Variants in ANXA4 observed in about 807,000 individuals in gnomAD.
The protein encoded by ANXA4 is 35-beta calcimedin.
A neutral mutation model predicts 49.8 loss-of-function variants in ANXA4; 39 were observed. The observed-to-expected ratio is 0.78, with a 90% CI of 0.61 to 1.02. ANXA4 has a LOEUF of 1.02. Ranked by LOEUF, ANXA4 falls within the 50% of genes least tolerant of loss-of-function variation. The probability of loss-of-function intolerance (pLI) is 0.00; values close to 1 mark genes in which losing one functional copy is unlikely to be tolerated. For missense variants in ANXA4, 360 were observed against 410.1 expected (o/e 0.88, Z 1.05); for synonymous variants, 134 against 152.5 (o/e 0.88, Z 0.89).
intron 3 of ANXA4, among the ~76,000 whole-genome samples, chr2:69,736,689 C>T (rs920764384): frequency 3.9e-5 from 6 of 152,152 alleles, no homozygotes; most frequent in Non-Finnish European, 7.4e-5. Context: ...GGGAGATAAA[C>T]ATTTTGAAAT....
chr2:69,657,549 C>G (rs1054572254), intron 2 of ANXA4, among the ~76,000 whole-genome samples: 1 of 152,144 alleles, frequency 6.6e-6, no homozygotes, highest in African/African-American at 2.4e-5. Context: ...GCTTTTTCTT[C>G]TAGAACATAT....
At chr2:69,730,652 G>A (rs896241006) in intron 3 of ANXA4, among the ~76,000 whole-genome samples, 4 of 152,158 alleles carry the variant, frequency 2.6e-5, no homozygotes, top group Non-Finnish European at 5.9e-5. Flanking sequence ...GCCCCTATGC[G>A]ACTTGGAGGT....
chr2:69,742,899 C>T (rs929875492), intron 1 of ANXA4, among the ~76,000 whole-genome samples: 9 of 152,244 alleles, frequency 5.9e-5, no homozygotes, highest in Non-Finnish European at 1.3e-4. Context: ...CTCTCTCCTG[C>T]TGACAGTGGG....
chr2:69,698,769 C>T (rs549855100), intron 2 of ANXA4, among the ~76,000 whole-genome samples: 20 of 152,272 alleles, frequency 1.3e-4, no homozygotes, highest in Admixed American at 7.2e-4. Context: ...GTCCTTTCTG[C>T]GCTACCAAGC....
At chr2:69,700,610 A>G (rs1678300152) in intron 2 of ANXA4, among the ~76,000 whole-genome samples, 1 of 152,204 alleles carries the variant, frequency 6.6e-6, no homozygotes, top group African/African-American at 2.4e-5. Flanking sequence ...TACAGTACAC[A>G]TTCTGTGGCA....
At chr2:69,714,184 C>A (rs777168235) in intron 2 of ANXA4, among the ~76,000 whole-genome samples, 8 of 152,164 alleles carry the variant, frequency 5.3e-5, no homozygotes, top group Non-Finnish European at 1.0e-4. Flanking sequence ...CTGACAAGCC[C>A]TAGCTCTTTC....
intron 3 of ANXA4, among the ~76,000 whole-genome samples, chr2:69,735,415 G>A (rs1043266229): frequency 6.6e-6 from 1 of 152,114 alleles, no homozygotes; most frequent in African/African-American, 2.4e-5. Context: ...CAACATAAAA[G>A]GAGCCTAAAA....
rs1399957031 is a variant in ANXA4, at chr2:69,661,021, C to G, written n.766+7739C>G. ...TTACTGACAAAGACATACAGACGGACTTAAGAACTCAAAGAGAGGAAATAT... is the reference window on the plus strand; with the variant it reads ...TTACTGACAAAGACATACAGACGGAGTTAAGAACTCAAAGAGAGGAAATAT... On this transcript the variant is annotated intron_variant and non_coding_transcript_variant, in intron 2 of 3. Coordinates refer to the ANXA4 transcript ENST00000418066. 2.6e-5 allele frequency among the ~76,000 whole-genome samples: 4 copies of G among 151,974 alleles called. No homozygotes were observed. The East Asian group carries it at 7.7e-4, about 29-fold the overall frequency.
intron 12 of ANXA4, among the ~76,000 whole-genome samples, chr2:69,823,624 A>G (rs1293044037): frequency 2.0e-5 from 3 of 152,172 alleles, no homozygotes; most frequent in Non-Finnish European, 4.4e-5. Context: ...GAGAAAGTGG[A>G]TCACGTTATA....
In ANXA4 at chr2:69,812,636, G is replaced by T. The variant is rs760217430; in HGVS notation, c.478-17G>T. 1.2e-6 allele frequency: 2 copies of T among 1,609,886 alleles called. No individual in the cohort carries two copies. The highest frequency in any genetic ancestry group is 4.5e-5 in the East Asian group (2 of 44,810). On this transcript the variant is annotated splice_polypyrimidine_tract_variant and intron_variant, in intron 7 of 12. Transcript: ENST00000394295. ...TATACTCTCGAATTATTTTTTATTT[G>T]TTTTTCTCATCCTCAGGGTGGGAGG...
At chr2:69,715,396 C>G (rs572627804) in intron 2 of ANXA4, among the ~76,000 whole-genome samples, 4 of 151,926 alleles carry the variant, frequency 2.6e-5, no homozygotes, top group Admixed American at 6.6e-5. Context: ...TTAGTAGAGA[C>G]GGGGTTTCAC....
intron 2 of ANXA4, among the ~76,000 whole-genome samples, chr2:69,679,254 A>G (rs937525819): frequency 2.7e-5 from 4 of 147,720 alleles, no homozygotes; most frequent in African/African-American, 9.8e-5. Flanking sequence ...CTCCCACCTC[A>G]GCCTCCCAAG....
intron 7 of ANXA4, chr2:69,811,066 A>G (rs6712296): frequency 0.066 from 10,820 of 163,890 alleles, 984 homozygotes; most frequent in Admixed American, 0.22. Context: ...AAGAAGATTC[A>G]AGGAGAAAAT....
chr2:69,661,213 G>T (rs1676704198), intron 2 of ANXA4, among the ~76,000 whole-genome samples: 1 of 127,742 alleles, frequency 7.8e-6, no homozygotes. Flanking sequence ...AATAAAGGAA[G>T]CTTCAGACAA....
intron 2 of ANXA4, among the ~76,000 whole-genome samples, chr2:69,718,516 A>G (rs1669712848): frequency 6.6e-6 from 1 of 152,184 alleles, no homozygotes; most frequent in Non-Finnish European, 1.5e-5. Flanking sequence ...GAGGTCATAG[A>G]ATCACTCAGG....
At chr2:69,687,239 C>T (rs1049261574) in intron 2 of ANXA4, among the ~76,000 whole-genome samples, 8 of 152,216 alleles carry the variant, frequency 5.3e-5, no homozygotes, top group Admixed American at 1.3e-4. Context: ...CATGGTGGCT[C>T]ATGCCTGTAA....
At chr2:69,669,625 A>G (rs990355608) in intron 2 of ANXA4, among the ~76,000 whole-genome samples, 1 of 152,012 alleles carries the variant, frequency 6.6e-6, no homozygotes, top group Non-Finnish European at 1.5e-5. Flanking sequence ...AAAAAAAAGA[A>G]TCATAGATTT....
At chr2:69,746,922 C>T (rs1218594845) in intron 1 of ANXA4, among the ~76,000 whole-genome samples, 1 of 151,962 alleles carries the variant, frequency 6.6e-6, no homozygotes, top group Admixed American at 6.6e-5. Context: ...CACTGGAGCC[C>T]AGGAGGCAAA....
rs113248281 is a variant in ANXA4, at chr2:69,754,777, T to A, written c.-47+12602T>A. Among the ~76,000 whole-genome samples, 1,070 of 152,316 alleles carry A rather than the reference T, an allele frequency of 7.0e-3. 18 individuals are homozygous for A. The highest frequency in any genetic ancestry group is 0.024 in the African/African-American group (1,017 of 41,550). Reference sequence around the variant, plus strand: ...TATCATGTGTACCACACACATCCTATCCTTTCCAGGTTCTTTTATGCTCCC... The same window carrying A: ...TATCATGTGTACCACACACATCCTAACCTTTCCAGGTTCTTTTATGCTCCC... On this transcript the variant is annotated intron_variant, in intron 1 of 12. Transcript: ENST00000394295.
Sources: gnomAD v4.1 joint callset for allele counts (sites outside exome capture counted in the v4.1 genomes callset) on GRCh38, gnomAD v4.1.1 for gene constraint, MANE v1.5 for transcripts, NCBI Gene and HGNC (gene_info 2026-07-23, HGNC 2026-07-21) for gene names.